The following LAMA2 variants were observed in gnomAD, a reference collection of about 807,000 sequenced individuals.
LAMA2 encodes the protein laminin subunit alpha-2.
A neutral mutation model predicts 364.8 loss-of-function variants in LAMA2; 269 were observed. The observed-to-expected ratio is 0.74, with a 90% CI of 0.67 to 0.82. The LOEUF is 0.82. Among genes scored for constraint, LAMA2 ranks in the 40% least tolerant of loss-of-function variants. LAMA2 has a pLI of 0.00. For missense variants in LAMA2, 3,807 were observed against 3,873.2 expected, an observed-to-expected ratio of 0.98 and a Z score of 0.45; for synonymous variants, 1,379 against 1,370.6, an observed-to-expected ratio of 1.01 and a Z score of -0.14.
chr6:129,118,727 C>G (rs1438255258), intron 4 of LAMA2, among the ~76,000 whole-genome samples: 1 of 152,124 alleles, frequency 6.6e-6, no homozygotes, highest in Non-Finnish European at 1.5e-5. Context: ...CAAGAGTATA[C>G]AGTCAGAATC....
rs1211031170 is a variant in LAMA2 at position 129,507,642 on chromosome 6, G to A, written c.8857G>A (p.Val2953Ile). 2.5e-6 allele frequency: 4 copies of A among 1,614,064 alleles called. No homozygotes were observed. The highest frequency in any genetic ancestry group is 1.1e-5 in the South Asian group (1 of 91,084). Reference protein sequence around the residue: ...YFDGTGFAKAVGGFKVGLDLL... With the variant: ...YFDGTGFAKAIGGFKVGLDLL... ...TGACGGAACCGGTTTTGCCAAAGCA[G>A]GTAAGGCTCTTTCATTTCCTTCCTG... Residue 2953 changes from valine to isoleucine, a missense_variant and splice_region_variant, in exon 62 of 65, where the codon GTT becomes ATT. This residue lies in a region of LAMA2 where 3,333 missense variants were observed against 3,345.7 expected (regional missense o/e 1.00). Coordinates refer to ENST00000421865, the MANE Select transcript of LAMA2 (RefSeq NM_000426.4).
At position 129,137,232 on chromosome 6, in the gene LAMA2, G is replaced by A. The variant is rs115913577; in HGVS notation, c.640-6669G>A. Among the ~76,000 whole-genome samples the A allele has an allele frequency of 7.0e-3, 1,055 of 151,166 alleles. 9 individuals carry two copies. Among genetic ancestry groups the A allele is most frequent in the African/African-American group, 0.024 (1,000 of 41,158 alleles). On this transcript the variant is annotated intron_variant, in intron 4 of 64. Transcript: ENST00000421865. ...GTAAGAGTGGTTGTTCTATTTGGTC[G>A]TGTAAATTTCTAGTGACAGTAGGAA...
At chr6:129,365,774 G>T (rs1458014759) in intron 32 of LAMA2, among the ~76,000 whole-genome samples, 1 of 151,830 alleles carries the variant, frequency 6.6e-6, no homozygotes, top group Non-Finnish European at 1.5e-5. Flanking sequence ...AAATTACTAT[G>T]ACTTTCTCCA....
At chr6:129,242,719 G>C (rs1303093462) in intron 12 of LAMA2, among the ~76,000 whole-genome samples, 1 of 152,108 alleles carries the variant, frequency 6.6e-6, no homozygotes, top group African/African-American at 2.4e-5. Flanking sequence ...ACAAACAGCT[G>C]TTGCAAAGAC....
At chr6:129,166,496 A>G (rs1477000948) in intron 9 of LAMA2, among the ~76,000 whole-genome samples, 3 of 152,198 alleles carry the variant, frequency 2.0e-5, no homozygotes, top group Admixed American at 6.5e-5. Flanking sequence ...AAACTGTAGG[A>G]TTATCAATCT....
At chr6:129,481,173 T>C in intron 54 of LAMA2, 90 bp from the exon 55 acceptor site, 1 of 962,160 alleles carries the variant, frequency 1.0e-6, no homozygotes, top group South Asian at 1.3e-5. Context: ...CATAATCACA[T>C]TAATTGCATC....
intron 8 of LAMA2, among the ~76,000 whole-genome samples, chr6:129,157,225 C>G (rs551800780): frequency 1.3e-3 from 203 of 152,230 alleles, no homozygotes; most frequent in African/African-American, 4.7e-3. Context: ...CAGAGCTTGA[C>G]TGGAGACACT....
chr6:129,050,818 C>A (rs778511560), intron 2 of LAMA2, among the ~76,000 whole-genome samples: 1 of 152,176 alleles, frequency 6.6e-6, no homozygotes, highest in Non-Finnish European at 1.5e-5. Flanking sequence ...CATTTAACAA[C>A]CACAGGAGAA....
intron 1 of LAMA2, among the ~76,000 whole-genome samples, chr6:128,973,780 C>T (rs971907826): frequency 1.3e-5 from 2 of 152,046 alleles, no homozygotes; most frequent in Non-Finnish European, 2.9e-5. Flanking sequence ...GACAAGGGAC[C>T]ATTTAGCCAT....
chr6:129,223,801 G>C (rs2115104168), intron 12 of LAMA2, among the ~76,000 whole-genome samples: 1 of 152,210 alleles, frequency 6.6e-6, no homozygotes, highest in Non-Finnish European at 1.5e-5. Context: ...TGTTCTTTTG[G>C]CTTAGGATTG....
rs1364480356 is a variant in LAMA2, at chr6:129,157,720, C to T, written c.1206+3037C>T. On this transcript the variant is annotated intron_variant, in intron 8 of 64. Coordinates refer to ENST00000421865, the MANE Select transcript of LAMA2 (RefSeq NM_000426.4). Reference sequence around the variant, plus strand: ...ACACACACAACCTCACGCATATCTTCGTATGACGGATCACTCGGTACCATG... The same window carrying T: ...ACACACACAACCTCACGCATATCTTTGTATGACGGATCACTCGGTACCATG... 8 of 1,611,894 alleles carry T rather than the reference C, an allele frequency of 5.0e-6. No individual in the cohort carries two copies. In the Admixed American group the frequency reaches 8.3e-5, roughly 17 times the overall value.
chr6:128,929,835 T>G, intron 1 of LAMA2: 1 of 1,032,642 alleles, frequency 9.7e-7, no homozygotes, highest in East Asian at 2.4e-5. Flanking sequence ...CGCAGTCCCT[T>G]GTAAGTGAAA....
At chr6:129,046,721 A>G (rs1787534912) in intron 1 of LAMA2, among the ~76,000 whole-genome samples, 1 of 152,170 alleles carries the variant, frequency 6.6e-6, no homozygotes, top group Admixed American at 6.5e-5. Flanking sequence ...TGAAACAATT[A>G]CAGATTCAAG....
Position 129,461,384 on chromosome 6 carries a change from C to A in LAMA2, c.6992+1060C>A, listed in dbSNP as rs539052391. On this transcript the variant is annotated intron_variant, in intron 49 of 64. Transcript: ENST00000421865. ...CCAACTCTTTGTTTCTTTTTGACATCATGGACTTGTCAACATGAAATTGAG... is the reference window on the plus strand; with the variant it reads ...CCAACTCTTTGTTTCTTTTTGACATAATGGACTTGTCAACATGAAATTGAG... Among the ~76,000 whole-genome samples the A allele has an allele frequency of 7.2e-5, 11 of 152,122 alleles. No homozygotes were observed. In the East Asian group the frequency reaches 2.1e-3, roughly 29 times the overall value.
Position 129,369,939 on chromosome 6 carries a change from A to G in LAMA2, c.4908A>G (p.Ala1636=). The G allele has an allele frequency of 6.2e-7, 1 of 1,614,140 alleles. No homozygotes were observed. The highest frequency in any genetic ancestry group is 8.5e-7 in the Non-Finnish European group (1 of 1,179,994). ...QRAPERLIQL[A]EGNLNTLVTE... ...CCCCAGAGAGGCTTATTCAGCTGGC[A>G]GAGGGCAATCTGAATACACTCGTGA... Residue 1636 remains alanine (A), a synonymous_variant, in exon 34 of 65, where the codon GCA becomes GCG. Coordinates refer to ENST00000421865, the MANE Select transcript of LAMA2 (RefSeq NM_000426.4).
intron 1 of LAMA2, among the ~76,000 whole-genome samples, chr6:128,962,145 T>C (rs1308215127): frequency 1.1e-4 from 8 of 70,464 alleles, no homozygotes; most frequent in African/African-American, 6.8e-4. Context: ...GGACCATATA[T>C]ATATATATAT....
At chr6:129,258,805 G>T (rs1343170917) in intron 14 of LAMA2, among the ~76,000 whole-genome samples, 1 of 151,908 alleles carries the variant, frequency 6.6e-6, no homozygotes, top group Non-Finnish European at 1.5e-5. Context: ...TCATTGACAG[G>T]GTTCCTCAGT....
intron 21 of LAMA2, among the ~76,000 whole-genome samples, chr6:129,299,204 A>C (rs1414743809): frequency 6.6e-6 from 1 of 151,964 alleles, no homozygotes; most frequent in Non-Finnish European, 1.5e-5. Flanking sequence ...ACTTGCACAA[A>C]ATAGCCTGGA....
At chr6:128,942,021 CA>C (rs1780191601) in intron 1 of LAMA2, among the ~76,000 whole-genome samples, 1 of 152,126 alleles carries the variant, frequency 6.6e-6, no homozygotes, top group Admixed American at 6.5e-5. Flanking sequence ...CAGCAAAAAG[CA>C]ATCTCATTAA....
Sources: gnomAD v4.1 joint callset for allele counts (sites outside exome capture counted in the v4.1 genomes callset) on GRCh38, gnomAD v4.1.1 for gene constraint, gnomAD v4.1.1 regional missense constraint, MANE v1.5 for transcripts, NCBI Gene and HGNC (gene_info 2026-07-23, HGNC 2026-07-21) for gene names.